GINS3: variants seen among roughly 807,000 people sequenced by gnomAD.
The protein encoded by GINS3 is DNA replication complex GINS protein PSF3.
Under a neutral mutation model 20.0 loss-of-function variants are expected in GINS3, and 18 were observed. That is an observed-to-expected ratio of 0.90 (90% CI 0.62 to 1.33). GINS3 has a LOEUF of 1.33. Among genes scored for constraint, GINS3 ranks in the 40% most tolerant of loss-of-function variants. The pLI is 0.00. For missense variants in GINS3, 254 were observed against 273.6 expected, an observed-to-expected ratio of 0.93 and a Z score of 0.51; for synonymous variants, 109 against 107.0, an observed-to-expected ratio of 1.02 and a Z score of -0.12.
chr16:58,404,138 G>T, intron 2 of GINS3: 1 of 218,342 alleles, frequency 4.6e-6, no homozygotes, highest in Non-Finnish European at 9.1e-6. Flanking sequence ...TTCTGTTACT[G>T]TTAGAAGAAA....
chr16:58,397,651 AC>A (rs1168878468), intron 1 of GINS3, among the ~76,000 whole-genome samples: 2 of 152,036 alleles, frequency 1.3e-5, no homozygotes, highest in African/African-American at 2.4e-5. Context: ...CCAAAAAAAT[AC>A]GAAAACCAGT....
chr16:58,392,710 G>T lies in GINS3; in HGVS notation c.109G>T (p.Glu37Ter), dbSNP rs1183281624. Residue 37 changes from glutamate (E) to a stop codon, truncating the protein, a stop_gained, in exon 1 of 3, where the codon GAG becomes TAG. Coordinates refer to ENST00000318129, the MANE Select transcript of GINS3 (RefSeq NM_022770.4). LOFTEE classifies it high-confidence loss of function. ...MSHEKLPVRT[E>*]TAMPRLGAFF... ...CCACGAGAAGCTGCCGGTGCGCACG[G>T]AGACCGCCATGCCTCGCCTTGGCGC... The T allele has an allele frequency of 1.2e-6, 2 of 1,614,240 alleles. No individual in the cohort carries two copies. Among genetic ancestry groups the T allele is most frequent in the South Asian group, 2.2e-5 (2 of 91,092 alleles).
intron 1 of GINS3, among the ~76,000 whole-genome samples, chr16:58,400,514 C>G (rs369270530): frequency 6.6e-6 from 1 of 152,152 alleles, no homozygotes; most frequent in African/African-American, 2.4e-5. Flanking sequence ...ACAGACAGTT[C>G]AGGCACACTC....
chr16:58,392,738 T>C lies in GINS3; in HGVS notation c.137T>C (p.Phe46Ser), dbSNP rs755617375. 2 of 1,613,932 alleles carry C rather than the reference T, an allele frequency of 1.2e-6. No individual in the cohort carries two copies. Among genetic ancestry groups the C allele is most frequent in the Non-Finnish European group, 1.7e-6 (2 of 1,179,994 alleles). Residue 46 changes from phenylalanine to serine, a missense_variant, in exon 1 of 3, where the codon TTC (phenylalanine) becomes TCC (serine). Phe to Ser is a radical substitution (Grantham distance 155). Transcript: ENST00000318129. ...TETAMPRLGA[F>S]FLERSAGAET... is the part of the protein sequence containing the mutation. ...ACCGCCATGCCTCGCCTTGGCGCTT[T>C]CTTCCTGGAGCGGAGCGCAGGCGCC...
intron 1 of GINS3, among the ~76,000 whole-genome samples, chr16:58,397,960 A>G (rs953392054): frequency 3.9e-5 from 6 of 152,182 alleles, no homozygotes; most frequent in Non-Finnish European, 5.9e-5. Flanking sequence ...TTTAATATCA[A>G]TAAATTGTGT....
At chr16:58,395,943 G>C in intron 1 of GINS3, among the ~76,000 whole-genome samples, 1 of 150,564 alleles carries the variant, frequency 6.6e-6, no homozygotes, top group East Asian at 2.0e-4. Context: ...CGGACGGGGC[G>C]GCTGGCTGGG....
rs973494724 is a variant in GINS3, at chr16:58,403,273, C to T, written c.362C>T (p.Ser121Phe). The change falls in exon 2 of 3, where the codon TCC becomes TTC. Residue 121 changes from serine (S) to phenylalanine (F), a missense_variant. Coordinates refer to ENST00000318129, the MANE Select transcript of GINS3 (RefSeq NM_022770.4). ...GGGCCCCATTTCTACGGGTTTGGCT[C>T]CCAGCTCCTGCATTTTGACAGTCCC... ...KMGPHFYGFGSQLLHFDSPEN... is the reference protein window; with the variant it reads ...KMGPHFYGFGFQLLHFDSPEN... 5.6e-6 allele frequency: 9 copies of T among 1,614,094 alleles called. No homozygotes were observed. The highest frequency in any genetic ancestry group is 7.6e-6 in the Non-Finnish European group (9 of 1,180,006).
At chr16:58,401,052 T>G (rs1304170072) in intron 1 of GINS3, among the ~76,000 whole-genome samples, 1 of 152,018 alleles carries the variant, frequency 6.6e-6, no homozygotes, top group African/African-American at 2.4e-5. Flanking sequence ...TGAGCCCATG[T>G]GATTTGCCCG....
intron 1 of GINS3, among the ~76,000 whole-genome samples, chr16:58,395,372 C>T (rs572164453): frequency 7.9e-5 from 11 of 139,074 alleles, no homozygotes; most frequent in African/African-American, 2.2e-4. Context: ...GGGTGTTTCT[C>T]GCAAAGGGGG....
chr16:58,403,693 C>A, intron 2 of GINS3: 1 of 242,552 alleles, frequency 4.1e-6, no homozygotes, highest in Non-Finnish European at 8.0e-6. Flanking sequence ...CCCAGGAGTT[C>A]AAGACCAACC....
intron 1 of GINS3, among the ~76,000 whole-genome samples, chr16:58,399,995 G>T (rs1965933606): frequency 6.6e-6 from 1 of 152,060 alleles, no homozygotes; most frequent in Admixed American, 6.6e-5. Context: ...TTCTTTTCAT[G>T]ACTTGTTTTT....
At chr16:58,397,034 C>T (rs1346465762) in intron 1 of GINS3, among the ~76,000 whole-genome samples, 4 of 146,412 alleles carry the variant, frequency 2.7e-5, no homozygotes, top group Admixed American at 6.7e-5. Flanking sequence ...CCCCACCTCC[C>T]TTCCGGACAG....
At chr16:58,399,252 A>G (rs1965922696) in intron 1 of GINS3, among the ~76,000 whole-genome samples, 1 of 150,876 alleles carries the variant, frequency 6.6e-6, no homozygotes, top group Non-Finnish European at 1.5e-5. Context: ...AGACCACTGC[A>G]CTCCAGCCTG....
intron 1 of GINS3, among the ~76,000 whole-genome samples, chr16:58,401,689 GCTTCACC>G (rs1213235479): frequency 6.6e-6 from 1 of 152,234 alleles, no homozygotes; most frequent in Non-Finnish European, 1.5e-5. Flanking sequence ...AGCCCAGCCG[GCTTCACC>G]TTTTATTGGG....
intron 1 of GINS3, among the ~76,000 whole-genome samples, chr16:58,394,460 C>T (rs1567534563): frequency 2.0e-5 from 3 of 152,084 alleles, no homozygotes; most frequent in African/African-American, 4.8e-5. Flanking sequence ...AGCAATTCTG[C>T]CTCAGCCTCC....
At chr16:58,396,077 C>T (rs1261844572) in intron 1 of GINS3, among the ~76,000 whole-genome samples, 12 of 130,840 alleles carry the variant, frequency 9.2e-5, no homozygotes, top group South Asian at 5.3e-4. Flanking sequence ...GGCGGCTGGC[C>T]GGGCGGGGGG....
intron 2 of GINS3, 112 bp downstream of exon 2, chr16:58,403,443 C>A: frequency 1.3e-6 from 1 of 753,114 alleles, no homozygotes; most frequent in Non-Finnish European, 2.1e-6. Flanking sequence ...TGTTTTTATT[C>A]CAGGTCAGCC....
At chr16:58,397,177 T>G (rs547920722) in intron 1 of GINS3, among the ~76,000 whole-genome samples, 90 of 141,808 alleles carry the variant, frequency 6.3e-4, no homozygotes, top group African/African-American at 2.3e-3. Flanking sequence ...GACGGGGTGG[T>G]TGCCAGGCAG....
chr16:58,405,562 T>G lies in GINS3; in HGVS notation c.*833T>G, dbSNP rs1432398888. The G allele has an allele frequency of 6.6e-6, 1 of 152,188 alleles. No homozygotes were observed. The allele number at this position is 152,188 out of a possible 1,614,324, so 9.4% of individuals were successfully genotyped here. On this transcript the variant is annotated 3_prime_UTR_variant, in exon 3 of 3. Transcript: ENST00000318129. Reference sequence around the variant, plus strand: ...AACCAGCCTGCATTACATCTGGAAGTCAGGACTTGGGTGCTGACTATGAAG... The same window carrying G: ...AACCAGCCTGCATTACATCTGGAAGGCAGGACTTGGGTGCTGACTATGAAG...
Sources: gnomAD v4.1 joint callset for allele counts (sites outside exome capture counted in the v4.1 genomes callset) on GRCh38, gnomAD v4.1.1 for gene constraint, MANE v1.5 for transcripts, NCBI Gene and HGNC (gene_info 2026-07-23, HGNC 2026-07-21) for gene names.